Variants in KCND2 observed in about 807,000 individuals in gnomAD.
KCND2 encodes A-type voltage-gated potassium channel KCND2.
KCND2 carries 16 observed loss-of-function variants against 54.4 expected under a neutral mutation model. That is an observed-to-expected ratio of 0.29 (90% confidence interval 0.20 to 0.45). The LOEUF is 0.45. KCND2 is among the 20% of genes least tolerant of loss of function. The pLI, the probability that KCND2 is intolerant of heterozygous loss-of-function variation, is 1.00. For missense variants in KCND2, 486 were observed against 824.2 expected (o/e 0.59, Z 5.02); for synonymous variants, 317 against 310.7 (o/e 1.02, Z -0.21).
At chr7:120,629,548 G>T (rs549545001) in intron 1 of KCND2, among the ~76,000 whole-genome samples, 6 of 152,338 alleles carry the variant, frequency 3.9e-5, no homozygotes, top group African/African-American at 1.4e-4. Context: ...TGTAAGCCAT[G>T]CGAGGAACTG....
chr7:120,479,806 A>C lies in KCND2; in HGVS notation c.1115+204059A>C, dbSNP rs1435733166. On this transcript the variant is annotated intron_variant, in intron 1 of 5. Coordinates refer to ENST00000331113, the MANE Select transcript of KCND2 (RefSeq NM_012281.3). ...AACTATACACACACACAAAAAAAAA[A>C]AAAAAAAAAAAAATTAGCCTGGTGT... 1.9e-3 allele frequency among the ~76,000 whole-genome samples: 281 copies of C among 149,026 alleles called. 3 individuals are homozygous for C. Among genetic ancestry groups the C allele is most frequent in the African/African-American group, 6.6e-3 (269 of 40,920 alleles).
chr7:120,314,560 A>G (rs1254209185), intron 1 of KCND2, among the ~76,000 whole-genome samples: 1 of 152,186 alleles, frequency 6.6e-6, no homozygotes, highest in African/African-American at 2.4e-5. Context: ...TAAATTATAA[A>G]TCATATTTTA....
chr7:120,590,961 T>G (rs1792664382), intron 1 of KCND2, among the ~76,000 whole-genome samples: 1 of 152,138 alleles, frequency 6.6e-6, no homozygotes, highest in African/African-American at 2.4e-5. Flanking sequence ...GGTTGAATAT[T>G]TTTTTTCTTG....
At chr7:120,388,855 T>C (rs1397547694) in intron 1 of KCND2, among the ~76,000 whole-genome samples, 2 of 148,010 alleles carry the variant, frequency 1.4e-5, no homozygotes, top group Admixed American at 6.9e-5. Context: ...TTATAATATG[T>C]TATATTCTTT....
rs368111122 is a variant in KCND2 at position 120,476,272 on chromosome 7, C to T, written c.1115+200525C>T. ...GTGTTATTAGTCTCTATTTGATGGG[C>T]TGGTTATGAGGCTTAAAACACATAA... On this transcript the variant is annotated intron_variant, in intron 1 of 5. Transcript: ENST00000331113. Among the ~76,000 whole-genome samples the T allele has an allele frequency of 7.9e-5, 12 of 152,306 alleles. No individual in the cohort carries two copies. In the East Asian group the frequency reaches 1.9e-3, roughly 25 times the overall value.
At chr7:120,532,256 CAT>C (rs1791851824) in intron 1 of KCND2, among the ~76,000 whole-genome samples, 1 of 151,760 alleles carries the variant, frequency 6.6e-6, no homozygotes, top group South Asian at 2.1e-4. Flanking sequence ...TACATGTGAA[CAT>C]GTGATATAGC....
intron 1 of KCND2, among the ~76,000 whole-genome samples, chr7:120,491,907 C>G (rs997982698): frequency 2.0e-5 from 3 of 151,954 alleles, no homozygotes; most frequent in African/African-American, 7.2e-5. Context: ...AGATTTTATG[C>G]AACAATAACA....
At chr7:120,484,212 G>C (rs1216437063) in intron 1 of KCND2, among the ~76,000 whole-genome samples, 1 of 152,102 alleles carries the variant, frequency 6.6e-6, no homozygotes, top group Admixed American at 6.6e-5. Flanking sequence ...TGGGAGTCAT[G>C]AATCTGTTTC....
intron 2 of KCND2, among the ~76,000 whole-genome samples, chr7:120,737,091 A>C (rs1273284017): frequency 4.4e-4 from 66 of 149,812 alleles, no homozygotes; most frequent in African/African-American, 1.5e-3. Flanking sequence ...AAAAAAAAAA[A>C]AACAAAACAA....
intron 1 of KCND2, among the ~76,000 whole-genome samples, chr7:120,702,827 T>C (rs918732694): frequency 2.0e-5 from 3 of 152,048 alleles, no homozygotes; most frequent in African/African-American, 7.2e-5. Context: ...AAGTAACTAA[T>C]AGGTACTAGG....
At chr7:120,320,673 A>G (rs1309990946) in intron 1 of KCND2, among the ~76,000 whole-genome samples, 1 of 152,122 alleles carries the variant, frequency 6.6e-6, no homozygotes, top group Non-Finnish European at 1.5e-5. Flanking sequence ...AGTGGTTTCA[A>G]AGGAAGAAAA....
chr7:120,447,906 GT>G (rs142676066), intron 1 of KCND2, among the ~76,000 whole-genome samples: 3,460 of 151,930 alleles, frequency 0.023, 141 homozygotes, highest in African/African-American at 0.079. Context: ...AACAATTTTA[GT>G]TTTTGAAGTT....
At chr7:120,423,947 T>A (rs1584772976) in intron 1 of KCND2, among the ~76,000 whole-genome samples, 1 of 152,188 alleles carries the variant, frequency 6.6e-6, no homozygotes, top group Non-Finnish European at 1.5e-5. Flanking sequence ...GTATGACAAA[T>A]GTGCTTTGTT....
intron 1 of KCND2, among the ~76,000 whole-genome samples, chr7:120,485,926 A>G (rs768753278): frequency 6.6e-6 from 1 of 152,310 alleles, no homozygotes; most frequent in South Asian, 2.1e-4. Context: ...TAAATGCATA[A>G]ATAAATGCAT....
At chr7:120,461,642 G>GT (rs1250074940) in intron 1 of KCND2, among the ~76,000 whole-genome samples, 1 of 152,018 alleles carries the variant, frequency 6.6e-6, no homozygotes, top group African/African-American at 2.4e-5. Context: ...AACTGTCAGG[G>GT]TTTTCTAAGA....
chr7:120,676,812 C>T (rs1792066198), intron 1 of KCND2, among the ~76,000 whole-genome samples: 1 of 152,086 alleles, frequency 6.6e-6, no homozygotes, highest in African/African-American at 2.4e-5. Context: ...AAAATGCTAA[C>T]TAATACAACC....
chr7:120,510,162 G>A (rs1803091479), intron 1 of KCND2, among the ~76,000 whole-genome samples: 1 of 152,078 alleles, frequency 6.6e-6, no homozygotes, highest in South Asian at 2.1e-4. Context: ...TCCTGTCAGT[G>A]AAATAGGTTG....
At chr7:120,636,883 T>C (rs1793311379) in intron 1 of KCND2, among the ~76,000 whole-genome samples, 1 of 152,162 alleles carries the variant, frequency 6.6e-6, no homozygotes, top group Non-Finnish European at 1.5e-5. Context: ...TATGCCTATA[T>C]ACCCTCTGAC....
intron 1 of KCND2, among the ~76,000 whole-genome samples, chr7:120,278,435 A>G (rs568525111): frequency 1.3e-4 from 19 of 151,712 alleles, no homozygotes; most frequent in Non-Finnish European, 2.7e-4. Flanking sequence ...TATTAATTTT[A>G]ATGGAGCTAA....
Sources: gnomAD v4.1 joint callset for allele counts (sites outside exome capture counted in the v4.1 genomes callset) on GRCh38, gnomAD v4.1.1 for gene constraint, MANE v1.5 for transcripts, NCBI Gene and HGNC (gene_info 2026-07-23, HGNC 2026-07-21) for gene names.